Variants in RIT2 observed in about 807,000 individuals in gnomAD.
The protein encoded by RIT2 is GTP-binding protein Rit2.
RIT2 carries 24 observed loss-of-function variants against 23.7 expected under a neutral mutation model. That is an observed-to-expected ratio of 1.01 (90% CI 0.73 to 1.43). The LOEUF is 1.43. Among genes scored for constraint, RIT2 ranks in the 40% most tolerant of loss-of-function variants. The pLI is 0.00. For synonymous variants in RIT2, 107 were observed against 91.1 expected (o/e 1.17, Z -0.99); for missense variants, 236 against 266.9 (o/e 0.88, Z 0.81).
At chr18:42,994,560 T>C in intron 2 of RIT2, among the ~76,000 whole-genome samples, 1 of 152,150 alleles carries the variant, frequency 6.6e-6, no homozygotes, top group African/African-American at 2.4e-5. Flanking sequence ...AAGACAGCTT[T>C]AGAGACTGCC....
chr18:42,835,798 T>C (rs987527887), intron 4 of RIT2, among the ~76,000 whole-genome samples: 6 of 152,166 alleles, frequency 3.9e-5, no homozygotes, highest in African/African-American at 7.2e-5. Context: ...TTTAATTTTA[T>C]TAAATAAAAT....
chr18:42,891,509 G>A (rs1258081253), intron 4 of RIT2, among the ~76,000 whole-genome samples: 6 of 152,032 alleles, frequency 3.9e-5, no homozygotes, highest in Non-Finnish European at 8.8e-5. Context: ...TCCTGCAGTA[G>A]GTAAATGCAT....
intron 3 of RIT2, among the ~76,000 whole-genome samples, chr18:42,952,473 ATAGT>A (rs1909875037): frequency 6.6e-6 from 1 of 152,128 alleles, no homozygotes; most frequent in Non-Finnish European, 1.5e-5. Flanking sequence ...TATAGTGACT[ATAGT>A]TAGTGATACT....
chr18:42,845,814 A>AAG (rs2144029998), intron 4 of RIT2, among the ~76,000 whole-genome samples: 1 of 151,958 alleles, frequency 6.6e-6, no homozygotes, highest in South Asian at 2.1e-4. Flanking sequence ...AGTATCAAAG[A>AAG]AGAAATCACA....
At chr18:43,068,689 G>A (rs76583537) in intron 1 of RIT2, among the ~76,000 whole-genome samples, 2,400 of 152,144 alleles carry the variant, frequency 0.016, 69 homozygotes, top group African/African-American at 0.054. Context: ...TCACAGTCTA[G>A]CTTCAGTAGA....
intron 4 of RIT2, among the ~76,000 whole-genome samples, chr18:42,825,779 A>G (rs73470007): frequency 0.02 from 3,112 of 152,038 alleles, 96 homozygotes; most frequent in African/African-American, 0.069. Context: ...AAAATATATT[A>G]GGTCTGTTCA....
At position 42,885,653 on chromosome 18, in the gene RIT2, A is replaced by T. The variant is rs551827118; in HGVS notation, c.426+37919T>A. Reference sequence around the variant, plus strand: ...AAATAGTACAAATACATTTTCATGGATCTTTACTATTAGAGGAGAGGGTTG... The same window carrying T: ...AAATAGTACAAATACATTTTCATGGTTCTTTACTATTAGAGGAGAGGGTTG... On this transcript the variant is annotated intron_variant, in intron 4 of 4. Coordinates refer to ENST00000326695, the MANE Select transcript of RIT2 (RefSeq NM_002930.4). Among the ~76,000 whole-genome samples, 137 of 152,292 alleles carry T rather than the reference A, an allele frequency of 9.0e-4. 1 individual carries two copies. In the Middle Eastern group the frequency reaches 0.017, roughly 19 times the overall value.
intron 4 of RIT2, among the ~76,000 whole-genome samples, chr18:42,829,387 G>A (rs192396220): frequency 1.5e-4 from 23 of 152,270 alleles, no homozygotes; most frequent in African/African-American, 5.3e-4. Flanking sequence ...ACACCAGAAA[G>A]TAATACTTTT....
At chr18:43,051,959 A>T (rs958015207) in intron 1 of RIT2, among the ~76,000 whole-genome samples, 1 of 151,958 alleles carries the variant, frequency 6.6e-6, no homozygotes, top group Admixed American at 6.6e-5. Flanking sequence ...TGATTTTTTG[A>T]TTATCACAAG....
intron 2 of RIT2, among the ~76,000 whole-genome samples, chr18:42,989,146 C>G (rs1042428283): frequency 1.3e-5 from 2 of 152,096 alleles, no homozygotes; most frequent in Non-Finnish European, 2.9e-5. Context: ...TCTCTAAGAG[C>G]TGCAGAAACG....
At chr18:42,900,774 G>C (rs541107086) in intron 4 of RIT2, among the ~76,000 whole-genome samples, 8 of 152,068 alleles carry the variant, frequency 5.3e-5, no homozygotes, top group Non-Finnish European at 1.2e-4. Flanking sequence ...GAAAAACTTA[G>C]ATGTTTGTGA....
chr18:42,914,372 C>T (rs1908848029), intron 4 of RIT2, among the ~76,000 whole-genome samples: 1 of 151,980 alleles, frequency 6.6e-6, no homozygotes, highest in Non-Finnish European at 1.5e-5. Flanking sequence ...TTCATAATAG[C>T]ACCAAACTGG....
chr18:42,842,137 T>C (rs2144025192), intron 4 of RIT2, among the ~76,000 whole-genome samples: 1 of 152,328 alleles, frequency 6.6e-6, no homozygotes, highest in South Asian at 2.1e-4. Flanking sequence ...GGGAAAACAT[T>C]CCTTTAATGT....
intron 2 of RIT2, among the ~76,000 whole-genome samples, chr18:43,021,339 C>A (rs1397987260): frequency 6.6e-6 from 1 of 152,048 alleles, no homozygotes; most frequent in Non-Finnish European, 1.5e-5. Context: ...GAGATATTAT[C>A]TTACCCTGGT....
intron 4 of RIT2, among the ~76,000 whole-genome samples, chr18:42,913,859 C>G (rs1445719476): frequency 1.3e-5 from 2 of 151,882 alleles, no homozygotes; most frequent in African/African-American, 4.8e-5. Context: ...AGTGTTCTCA[C>G]CACAAAAAAT....
At chr18:43,094,694 A>G (rs1913508810) in intron 1 of RIT2, among the ~76,000 whole-genome samples, 1 of 152,098 alleles carries the variant, frequency 6.6e-6, no homozygotes, top group South Asian at 2.1e-4. Context: ...TCAAAATATT[A>G]GACATAAATT....
At chr18:42,771,967 C>T (rs1423489684) in intron 4 of RIT2, among the ~76,000 whole-genome samples, 3 of 152,074 alleles carry the variant, frequency 2.0e-5, no homozygotes, top group Non-Finnish European at 1.5e-5. Context: ...GATAAAAAAT[C>T]ACTCTAATAG....
At chr18:43,105,513 G>GAAGGGAGGAAGAGAGGAAGGGAGGAAGA (rs1345609701) in intron 1 of RIT2, among the ~76,000 whole-genome samples, 17 of 123,258 alleles carry the variant, frequency 1.4e-4, no homozygotes, top group East Asian at 3.1e-4. Flanking sequence ...AGGGAGGGAG[G>GAAGGGAGGAAGAGAGGAAGGGAGGAAGA]GAGGGAATGA....
In RIT2 at chr18:42,827,777, G is replaced by A. The variant is rs528422948; in HGVS notation, c.427-84057C>T. Among the ~76,000 whole-genome samples the A allele has an allele frequency of 6.6e-5, 10 of 151,896 alleles. No homozygotes were observed. The South Asian group carries it at 1.5e-3, about 22-fold the overall frequency. ...TCCCAGCACTTTGGGAGGCCGAGGC[G>A]GGCGGATCACGAGGTCAGGAAATCA... On this transcript the variant is annotated intron_variant, in intron 4 of 4. Transcript: ENST00000326695.
Sources: gnomAD v4.1 joint callset for allele counts (sites outside exome capture counted in the v4.1 genomes callset) on GRCh38, gnomAD v4.1.1 for gene constraint, MANE v1.5 for transcripts, NCBI Gene and HGNC (gene_info 2026-07-23, HGNC 2026-07-21) for gene names.